The following PAK4 variants were observed in gnomAD, a reference collection of about 807,000 sequenced individuals.
PAK4 encodes the protein serine/threonine-protein kinase PAK 4.
Under a neutral mutation model 53.5 loss-of-function variants are expected in PAK4, and 49 were observed. That is an observed-to-expected ratio of 0.92 (90% CI 0.73 to 1.16). PAK4 has a LOEUF of 1.16. PAK4 is among the 50% of genes most tolerant of loss of function. PAK4 has a pLI of 0.00. For missense variants in PAK4, 824 were observed against 850.7 expected, an observed-to-expected ratio of 0.97 and a Z score of 0.39; for synonymous variants, 376 against 375.6, an observed-to-expected ratio of 1.00 and a Z score of -0.01.
chr19:39,175,925 C>G lies in PAK4; in HGVS notation c.1359+487C>G, dbSNP rs142016962. Reference sequence around the variant, plus strand: ...GAAGTGGATGACTCCATCCCCTCCCCCAAGGAAGATTAAGCCACACCATTA... The same window carrying G: ...GAAGTGGATGACTCCATCCCCTCCCGCAAGGAAGATTAAGCCACACCATTA... On this transcript the variant is annotated intron_variant, in intron 6 of 8. Coordinates refer to ENST00000358301, the Ensembl canonical transcript of PAK4. The surrounding 1 kb of genome is among the most constrained non-coding windows in gnomAD (Gnocchi z 4.7). Among the ~76,000 whole-genome samples the G allele has an allele frequency of 6.4e-3, 969 of 152,272 alleles. 17 individuals carry two copies. Among genetic ancestry groups the G allele is most frequent in the African/African-American group, 0.021 (887 of 41,544 alleles).
intron 1 of PAK4, among the ~76,000 whole-genome samples, chr19:39,128,780 G>A (rs1208404416): frequency 2.6e-5 from 4 of 152,174 alleles, no homozygotes; most frequent in African/African-American, 9.7e-5. Context: ...CCATTCCTCT[G>A]CAGCCTTTCA....
intron 1 of PAK4, among the ~76,000 whole-genome samples, chr19:39,169,159 C>G (rs1406034648): frequency 6.6e-6 from 1 of 151,788 alleles, no homozygotes; most frequent in African/African-American, 2.4e-5. Flanking sequence ...GCTCTGAGAA[C>G]TGAAGGAGGG....
At chr19:39,162,104 C>T (rs902548638) in intron 1 of PAK4, among the ~76,000 whole-genome samples, 2 of 152,114 alleles carry the variant, frequency 1.3e-5, no homozygotes, top group African/African-American at 2.4e-5. Context: ...GGACTACAGG[C>T]GCCTGCCACC....
intron 1 of PAK4, among the ~76,000 whole-genome samples, chr19:39,155,593 C>A (rs1227971041): frequency 6.6e-6 from 1 of 152,154 alleles, no homozygotes; most frequent in Non-Finnish European, 1.5e-5. Context: ...CTGCCTCGGG[C>A]CAGCCTTTGC....
intron 7 of PAK4, 46 bp downstream of exon 8, chr19:39,176,761 C>T (rs1235472581): frequency 6.3e-7 from 1 of 1,590,116 alleles, no homozygotes; most frequent in African/African-American, 1.3e-5. Context: ...ACAGCGTACG[C>T]TGCCATTTTC....
Position 39,175,046 on chromosome 19 carries a change from A to T in PAK4, c.1214A>T (p.Asp405Val). 1 of 1,612,254 alleles carries T rather than the reference A, an allele frequency of 6.2e-7. No homozygotes were observed. The highest frequency in any genetic ancestry group is 8.5e-7 in the Non-Finnish European group (1 of 1,179,086). Residue 405 changes from aspartate (D) to valine (V), a missense_variant, in exon 5 of 9, where the codon GAC becomes GTC. Asp to Val is a radical substitution (Grantham distance 152). Coordinates refer to ENST00000358301, the Ensembl canonical transcript of PAK4. This position sits in a 1 kb window ranked among gnomAD's most constrained non-coding sequence, Gnocchi z 4.7. ...TTCCTGGAAGGAGGCGCCCTCACCGACATCGTCACCCACACCAGGTATTTC... is the reference window on the plus strand; with the variant it reads ...TTCCTGGAAGGAGGCGCCCTCACCGTCATCGTCACCCACACCAGGTATTTC...
At chr19:39,154,204 T>C (rs2074138983) in intron 1 of PAK4, among the ~76,000 whole-genome samples, 1 of 152,164 alleles carries the variant, frequency 6.6e-6, no homozygotes, top group Non-Finnish European at 1.5e-5. Flanking sequence ...TGCGTTATGC[T>C]GGAGTGTGTA....
At chr19:39,130,233 G>T (rs577501078) in intron 1 of PAK4, among the ~76,000 whole-genome samples, 4 of 99,734 alleles carry the variant, frequency 4.0e-5, no homozygotes, top group Non-Finnish European at 8.7e-5. Flanking sequence ...GGGTGGGACT[G>T]GGGGGGACCC....
chr19:39,146,640 G>A (rs1568505165), intron 1 of PAK4, among the ~76,000 whole-genome samples: 1 of 152,172 alleles, frequency 6.6e-6, no homozygotes, highest in Non-Finnish European at 1.5e-5. Flanking sequence ...AGGAGTTCGA[G>A]ATCAGCCTGG....
At chr19:39,159,410 G>A (rs2074247564) in intron 1 of PAK4, among the ~76,000 whole-genome samples, 1 of 152,164 alleles carries the variant, frequency 6.6e-6, no homozygotes, top group African/African-American at 2.4e-5. Context: ...TTTTCAGACA[G>A]AGTCTCACTC....
At chr19:39,158,218 T>A (rs1049594642) in intron 1 of PAK4, among the ~76,000 whole-genome samples, 6 of 151,916 alleles carry the variant, frequency 3.9e-5, no homozygotes, top group African/African-American at 1.5e-4. Flanking sequence ...TGTGTGGGTG[T>A]GCGTGTGTGT....
intron 7 of PAK4, among the ~76,000 whole-genome samples, chr19:39,177,363 C>T (rs1359209771): frequency 6.6e-6 from 1 of 152,134 alleles, no homozygotes. Context: ...ATCACTGTGT[C>T]TCCACTGTGG....
intron 1 of PAK4, among the ~76,000 whole-genome samples, chr19:39,160,820 G>C (rs1056010342): frequency 1.2e-4 from 19 of 152,212 alleles, no homozygotes; most frequent in Admixed American, 8.5e-4. Flanking sequence ...GGCTTTTCTG[G>C]TCTTGGTCTG....
rs532644325 is a variant in PAK4 at position 39,161,757 on chromosome 19, G to C, written c.-22-7775G>C. Reference sequence around the variant, plus strand: ...GGCCTGTCCTTCCACTTGCCCCCTCGCCCACCCTGCTCCAGCCACGTGGCC... The same window carrying C: ...GGCCTGTCCTTCCACTTGCCCCCTCCCCCACCCTGCTCCAGCCACGTGGCC... On this transcript the variant is annotated intron_variant, in intron 1 of 8. Transcript: ENST00000358301. This position sits in a 1 kb window ranked among gnomAD's most constrained non-coding sequence, Gnocchi z 4.5. Among the ~76,000 whole-genome samples, 1 of 151,296 alleles carries C rather than the reference G, an allele frequency of 6.6e-6. No homozygotes were observed. The highest frequency in any genetic ancestry group is 1.5e-5 in the Non-Finnish European group (1 of 67,876).
At chr19:39,152,992 C>T (rs954148069) in intron 1 of PAK4, among the ~76,000 whole-genome samples, 3 of 152,120 alleles carry the variant, frequency 2.0e-5, no homozygotes, top group African/African-American at 7.2e-5. Context: ...GATGTGGTAC[C>T]TCCTGCGGGG....
chr19:39,133,688 G>A (rs1162192187), intron 1 of PAK4, among the ~76,000 whole-genome samples: 4 of 152,160 alleles, frequency 2.6e-5, no homozygotes, highest in African/African-American at 4.8e-5. Context: ...TGGGAGCACC[G>A]GGTGGGCAGG....
At chr19:39,132,573 G>A (rs996099491) in intron 1 of PAK4, among the ~76,000 whole-genome samples, 34 of 152,268 alleles carry the variant, frequency 2.2e-4, no homozygotes, top group Non-Finnish European at 4.1e-4. Flanking sequence ...GCCATTCTGT[G>A]CTGATGGCCA....
intron 1 of PAK4, among the ~76,000 whole-genome samples, chr19:39,151,616 C>T (rs1306936620): frequency 6.6e-6 from 1 of 152,256 alleles, no homozygotes; most frequent in African/African-American, 2.4e-5. Context: ...TTCCACACAG[C>T]TGCCAAAGCA....
At position 39,174,793 on chromosome 19, in the gene PAK4, G is replaced by A. The variant is rs550474039; in HGVS notation, c.1099-138G>A. 5,093 of 946,536 alleles carry A rather than the reference G, an allele frequency of 5.4e-3. 26 individuals carry two copies. Among genetic ancestry groups the A allele is most frequent in the Non-Finnish European group, 7.1e-3 (4,504 of 631,352 alleles). The allele number at this position is 946,536 out of a possible 1,614,324, so 58.6% of individuals were successfully genotyped here. ...TGAGGCCCACGTGGCTGTGGCAGTA[G>A]GGGAGGGCAGTCCAGGTGGCCCCAG... On this transcript the variant is annotated intron_variant, in intron 4 of 8. Transcript: ENST00000358301.
Sources: gnomAD v4.1 joint callset for allele counts (sites outside exome capture counted in the v4.1 genomes callset) on GRCh38, gnomAD v4.1.1 for gene constraint, Gnocchi (gnomAD v3.1) non-coding constraint, MANE v1.5 for transcripts, NCBI Gene and HGNC (gene_info 2026-07-23, HGNC 2026-07-21) for gene names.